Variants in USP32 observed in about 807,000 individuals in gnomAD.
The protein encoded by USP32 is ubiquitin carboxyl-terminal hydrolase 32.
USP32 carries 59 observed loss-of-function variants against 204.8 expected under a neutral mutation model. That is an observed-to-expected ratio of 0.29 (90% CI 0.23 to 0.36). USP32 has a LOEUF of 0.36. USP32 is among the 10% of genes least tolerant of loss of function. The probability of loss-of-function intolerance (pLI) is 1.00; values close to 1 mark genes in which losing one functional copy is unlikely to be tolerated. For synonymous variants in USP32, 517 were observed against 678.4 expected, an observed-to-expected ratio of 0.76 and a Z score of 3.70; for missense variants, 1,160 against 1,946.4, an observed-to-expected ratio of 0.60 and a Z score of 7.60.
intron 11 of USP32, among the ~76,000 whole-genome samples, chr17:60,240,572 G>C (rs536418838): frequency 6.6e-6 from 1 of 152,136 alleles, no homozygotes; most frequent in African/African-American, 2.4e-5. Flanking sequence ...CGCTGTGCTG[G>C]GGCATTCCTA....
intron 29 of USP32, among the ~76,000 whole-genome samples, chr17:60,189,916 T>C (rs2084335319): frequency 6.6e-6 from 1 of 152,220 alleles, no homozygotes; most frequent in Non-Finnish European, 1.5e-5. Flanking sequence ...CACTTATTAA[T>C]ATTTTTGAAA....
intron 11 of USP32, among the ~76,000 whole-genome samples, chr17:60,246,024 T>C (rs954379258): frequency 3.9e-5 from 6 of 152,066 alleles, no homozygotes; most frequent in Non-Finnish European, 7.4e-5. Flanking sequence ...TTTTTTTGGG[T>C]TGGGAATATT....
At chr17:60,265,337 G>A in intron 9 of USP32, 75 bp downstream of exon 9, 1 of 1,012,288 alleles carries the variant, frequency 9.9e-7, no homozygotes. Context: ...ATTCAAGCAT[G>A]TATATAAGCG....
chr17:60,342,238 CTGCAGAACAGCAAATAT>C (rs915371794), intron 2 of USP32, among the ~76,000 whole-genome samples: 9 of 152,200 alleles, frequency 5.9e-5, no homozygotes, highest in East Asian at 5.8e-4. Flanking sequence ...CCAGTAGAGG[CTGCAGAACAGCAAATAT>C]TGCAGAACAG....
rs139964086 is a variant in USP32 at position 60,410,484 on chromosome 17, C to A, written c.106+11762G>T. Among the ~76,000 whole-genome samples the A allele has an allele frequency of 3.3e-5, 5 of 151,426 alleles. No homozygotes were observed. The South Asian group carries it at 8.4e-4, about 25-fold the overall frequency. On this transcript the variant is annotated intron_variant, in intron 1 of 3. Coordinates refer to the USP32 transcript ENST00000588898. ...GAGATTGAGACCATCTTGGCTAACA[C>A]GGTGAAACCCTGTCTCTACTAAAAA... is the stretch of plus-strand genomic sequence containing the variant.
At chr17:60,195,861 C>A (rs1243680204) in intron 27 of USP32, among the ~76,000 whole-genome samples, 1 of 152,182 alleles carries the variant, frequency 6.6e-6, no homozygotes, top group Non-Finnish European at 1.5e-5. Context: ...TTGAATATAT[C>A]ATAGACTTCT....
In USP32 at chr17:60,373,483, A is replaced by C. The variant is rs2089483073; in HGVS notation, c.58+18399T>G. Among the ~76,000 whole-genome samples, 4 of 147,830 alleles carry C rather than the reference A, an allele frequency of 2.7e-5. No homozygotes were observed. The South Asian group carries it at 6.4e-4, about 23-fold the overall frequency. On this transcript the variant is annotated intron_variant, in intron 1 of 33. Coordinates refer to ENST00000300896, the MANE Select transcript of USP32 (RefSeq NM_032582.4). Reference sequence around the variant, plus strand: ...TTTTGAGACCAAGTCTTGCTTTGACACCCAGGCTAGAGTGCAGTGGCACGA... The same window carrying C: ...TTTTGAGACCAAGTCTTGCTTTGACCCCCAGGCTAGAGTGCAGTGGCACGA...
intron 2 of USP32, among the ~76,000 whole-genome samples, chr17:60,344,363 C>T (rs1210213544): frequency 6.6e-6 from 1 of 152,102 alleles, no homozygotes; most frequent in East Asian, 1.9e-4. Context: ...TTCCTGACCT[C>T]GTGATTCACC....
In USP32 at chr17:60,211,251, T is replaced by A. The variant is rs528860643; in HGVS notation, c.2318+125A>T. 2.1e-5 allele frequency: 32 copies of A among 1,506,088 alleles called. No individual in the cohort carries two copies. The East Asian group carries it at 7.4e-4, about 35-fold the overall frequency. 93.3% of individuals were successfully genotyped at this position (1,506,088 alleles called of 1,614,324 possible). On this transcript the variant is annotated intron_variant, in intron 20 of 33. Transcript: ENST00000300896. The stretch of plus-strand genomic sequence containing the variant: ...CAAGAGATGTATTCCTTGGCCTATT[T>A]CATATTAAATAGGGCAAATAAGATA...
chr17:60,381,270 G>A (rs397843092), intron 1 of USP32, among the ~76,000 whole-genome samples: 9 of 151,984 alleles, frequency 5.9e-5, no homozygotes, highest in African/African-American at 1.4e-4. Context: ...TGAGATTCCC[G>A]TCACTACAAC....
chr17:60,349,676 T>TAC (rs551241314), intron 1 of USP32, among the ~76,000 whole-genome samples: 4,955 of 131,092 alleles, frequency 0.038, 415 homozygotes, highest in African/African-American at 0.14. Context: ...CATATATATA[T>TAC]ACACACATAT....
chr17:60,335,933 T>C (rs902134235), intron 2 of USP32, among the ~76,000 whole-genome samples: 1 of 143,244 alleles, frequency 7.0e-6, no homozygotes. Flanking sequence ...TTTTCCTTTA[T>C]AATACCTATT....
intron 2 of USP32, among the ~76,000 whole-genome samples, chr17:60,303,585 G>A (rs943412892): frequency 2.6e-5 from 4 of 151,616 alleles, no homozygotes; most frequent in Non-Finnish European, 5.9e-5. Flanking sequence ...AGCACTTAGG[G>A]TAACCATAGC....
intron 11 of USP32, chr17:60,245,517 C>T (rs961903500): frequency 3.1e-6 from 1 of 324,668 alleles, no homozygotes; most frequent in Non-Finnish European, 5.9e-6. Flanking sequence ...TCTACAAACT[C>T]TGTTGTCAAT....
chr17:60,275,387 G>T (rs2086815515), intron 5 of USP32, among the ~76,000 whole-genome samples: 1 of 152,046 alleles, frequency 6.6e-6, no homozygotes, highest in South Asian at 2.1e-4. Context: ...AACCTGGGAG[G>T]CAGAGTTTAC....
intron 1 of USP32, among the ~76,000 whole-genome samples, chr17:60,376,544 G>C (rs1268734892): frequency 6.7e-6 from 1 of 148,882 alleles, no homozygotes; most frequent in Admixed American, 6.8e-5. Flanking sequence ...TTTTTTTTGA[G>C]ACAGAGTCTC....
chr17:60,417,465 T>G (rs75329042), intron 1 of USP32, among the ~76,000 whole-genome samples: 20,864 of 151,324 alleles, frequency 0.14, 3,079 homozygotes, highest in African/African-American at 0.37. Flanking sequence ...TTTTTTTTTT[T>G]TTTTTGTGAC....
In USP32 at chr17:60,366,000, G is replaced by C. The variant is rs548198969; in HGVS notation, c.59-20392C>G. The stretch of plus-strand genomic sequence containing the variant: ...TGTTGTTGTTGTTGTTTTTTGAGAC[G>C]GAGTTTCGCTCTTGTTGCCCAGGCT... On this transcript the variant is annotated intron_variant, in intron 1 of 33. Transcript: ENST00000300896. Among the ~76,000 whole-genome samples, 168 of 152,174 alleles carry C rather than the reference G, an allele frequency of 1.1e-3. 1 individual carries two copies. The highest frequency in any genetic ancestry group is 3.1e-3 in the African/African-American group (128 of 41,514).
chr17:60,421,336 GCTC>G, intron 1 of USP32: 1 of 980,772 alleles, frequency 1.0e-6, no homozygotes, highest in Non-Finnish European at 1.2e-6. Context: ...CTCAAAGGGT[GCTC>G]CTCCAAAGCT....
Sources: gnomAD v4.1 joint callset for allele counts (sites outside exome capture counted in the v4.1 genomes callset) on GRCh38, gnomAD v4.1.1 for gene constraint, MANE v1.5 for transcripts, NCBI Gene and HGNC (gene_info 2026-07-23, HGNC 2026-07-21) for gene names.